The following PLXND1 variants were observed in gnomAD, a reference collection of about 807,000 sequenced individuals.
PLXND1 encodes plexin D1, also known as plexin-D1.
PLXND1 carries 54 observed loss-of-function variants against 197.7 expected under a neutral mutation model. The ratio of observed to expected loss-of-function variants is 0.27; its 90% confidence interval spans 0.22 to 0.34. PLXND1 has a LOEUF of 0.34. PLXND1 is among the 10% of genes least tolerant of loss of function. The probability of loss-of-function intolerance (pLI) is 1.00; values close to 1 mark genes in which losing one functional copy is unlikely to be tolerated. For missense variants in PLXND1, 2,127 were observed against 2,699.2 expected, an observed-to-expected ratio of 0.79 and a Z score of 4.70; for synonymous variants, 1,180 against 1,161.2, an observed-to-expected ratio of 1.02 and a Z score of -0.33.
At chr3:129,560,765 A>C in intron 29 of PLXND1, 42 bp from the exon 30 acceptor site, 1 of 1,188,032 alleles carries the variant, frequency 8.4e-7, no homozygotes, top group Non-Finnish European at 1.3e-6. Context: ...GGGAGAGGAG[A>C]GGAGAGAAAC....
chr3:129,601,969 G>A (rs1433028766), intron 1 of PLXND1, among the ~76,000 whole-genome samples: 1 of 152,208 alleles, frequency 6.6e-6, no homozygotes, highest in African/African-American at 2.4e-5. Context: ...ACTGAGTGAA[G>A]GAATCTATTC....
chr3:129,563,174 T>C lies in PLXND1; in HGVS notation c.4588A>G (p.Ile1530Val), dbSNP rs2085087747. ...AIKQQINKGS[I>V]DAITGKARYT... ...CGGGCCTTGCCTGTGATGGCGTCGA[T>C]GGAGCCCTTGTTGATTTGCTGCTTG... The change falls in exon 26 of 36, where the codon ATC becomes GTC. Residue 1530 changes from isoleucine to valine, a missense_variant. Physicochemically the swap from Ile to Val is conservative, Grantham distance 29. This residue lies in a region of PLXND1 where 532 missense variants were observed against 811.0 expected (regional missense o/e 0.66). Coordinates refer to ENST00000324093, the MANE Select transcript of PLXND1 (RefSeq NM_015103.3). 1 of 1,612,554 alleles carries C rather than the reference T, an allele frequency of 6.2e-7. No individual in the cohort carries two copies. Among genetic ancestry groups the C allele is most frequent in the South Asian group, 1.1e-5 (1 of 90,776 alleles).
rs1420841498 is a variant in PLXND1, at chr3:129,575,488, G to C, written c.2511C>G (p.Asp837Glu). 6.4e-7 allele frequency: 1 copy of C among 1,553,432 alleles called. No individual in the cohort carries two copies. Among genetic ancestry groups the C allele is most frequent in the East Asian group, 2.4e-5 (1 of 41,182 alleles). ...QLKGRPARFLDSPEPMTVMVY... is the reference protein window; with the variant it reads ...QLKGRPARFLESPEPMTVMVY... Reference sequence around the variant, plus strand: ...GCCCACCTGTCATGGGCTCAGGGCTGTCCAGGAATCGGGCTGGCCGCCCCT... The same window carrying C: ...GCCCACCTGTCATGGGCTCAGGGCTCTCCAGGAATCGGGCTGGCCGCCCCT... Residue 837 changes from aspartate (D) to glutamate (E), a missense_variant, in exon 11 of 36, where the codon GAC becomes GAG. Asp to Glu is a conservative substitution (Grantham distance 45). Transcript: ENST00000324093.
intron 1 of PLXND1, among the ~76,000 whole-genome samples, chr3:129,595,194 C>A (rs1353913237): frequency 6.6e-6 from 1 of 152,218 alleles, no homozygotes; most frequent in Non-Finnish European, 1.5e-5. Context: ...GGGTATGAAG[C>A]CACACCTGTG....
In PLXND1 at chr3:129,558,649, A is replaced by G. The variant is rs1344977588; in HGVS notation, c.5298-74T>C. ...CAGTCGAGGGACAGTTGTGGAGGAG[A>G]GAGCTGGCTTTGTCCCTCAAGGGCC... On this transcript the variant is annotated intron_variant, in intron 32 of 35. Transcript: ENST00000324093. The surrounding 1 kb of genome is among the most constrained non-coding windows in gnomAD (Gnocchi z 4.1). The G allele has an allele frequency of 6.9e-7, 1 of 1,459,370 alleles. No individual in the cohort carries two copies. Among genetic ancestry groups the G allele is most frequent in the East Asian group, 2.3e-5 (1 of 43,754 alleles). The allele number at this position is 1,459,370 out of a possible 1,614,324, so 90.4% of individuals were successfully genotyped here. A position where few individuals can be genotyped will look rare whatever the true frequency, so the allele number is the denominator to read the frequency against.
intron 24 of PLXND1, 146 bp downstream of exon 24, chr3:129,565,741 A>C: frequency 1.1e-6 from 1 of 947,252 alleles, no homozygotes; most frequent in South Asian, 1.6e-5. Context: ...GTGCCCCGTG[A>C]GCCAAGGTCT....
At position 129,561,700 on chromosome 3, in the gene PLXND1, C is replaced by A. The variant is rs749816078; in HGVS notation, c.4939G>T (p.Gly1647Cys). Residue 1647 changes from glycine (G) to cysteine (C), a missense_variant, in exon 29 of 36, where the codon GGT becomes TGT. Gly to Cys is a radical substitution (Grantham distance 159, BLOSUM62 -3). Around this residue, in one of 6 missense-constraint regions of PLXND1, gnomAD observed 532 missense variants for 811.0 expected, o/e 0.66. Transcript: ENST00000324093. ...ATGAGACTCATGGCCAGGGAGGCAC[C>A]TTCAGGGATCTGATGGGAGGGGAGA... is the stretch of plus-strand genomic sequence containing the variant. ...NTLAHYKIPEGASLAMSLIDK... is the reference protein window; with the variant it reads ...NTLAHYKIPECASLAMSLIDK... The A allele has an allele frequency of 1.9e-6, 3 of 1,588,084 alleles. No individual in the cohort carries two copies. Among genetic ancestry groups the A allele is most frequent in the African/African-American group, 2.8e-5 (2 of 72,720 alleles).
chr3:129,572,181 C>T (rs1264568767), intron 15 of PLXND1, among the ~76,000 whole-genome samples: 1 of 152,162 alleles, frequency 6.6e-6, no homozygotes, highest in Non-Finnish European at 1.5e-5. Flanking sequence ...TCTGCCCTTC[C>T]CTTGAGGTCT....
chr3:129,573,432 T>C (rs1180368980), intron 13 of PLXND1, among the ~76,000 whole-genome samples, 162 bp downstream of exon 13: 1 of 150,486 alleles, frequency 6.6e-6, no homozygotes, highest in Non-Finnish European at 1.5e-5. Context: ...AACGGCAGGA[T>C]GTGTGGTGGG....
intron 2 of PLXND1, 27 bp downstream of exon 2, chr3:129,589,324 C>A (rs1319770416): frequency 2.7e-6 from 3 of 1,112,618 alleles, no homozygotes; most frequent in African/African-American, 1.6e-5. Context: ...ACCCCCACCC[C>A]CTCCCCACAT....
Position 129,555,986 on chromosome 3 carries a change from G to A in PLXND1, c.*326C>T. On this transcript the variant is annotated 3_prime_UTR_variant, in exon 36 of 36. Transcript: ENST00000324093. ...GTGCTTGGCCGCCTGGATGCACGGG[G>A]CTCTTGGCAGCAGGACCAACTGGAC... The A allele has an allele frequency of 3.1e-6, 1 of 319,430 alleles. No homozygotes were observed. The highest frequency in any genetic ancestry group is 5.8e-6 in the Non-Finnish European group (1 of 172,506). The allele number at this position is 319,430 out of a possible 1,614,324, so 19.8% of individuals were successfully genotyped here. A position where few individuals can be genotyped will look rare whatever the true frequency, so the allele number is the denominator to read the frequency against.
chr3:129,589,685 A>AC (rs2108795357), intron 1 of PLXND1, among the ~76,000 whole-genome samples, 158 bp from the exon 2 acceptor site: 1 of 152,162 alleles, frequency 6.6e-6, no homozygotes, highest in African/African-American at 2.4e-5. Flanking sequence ...CACAAACGGG[A>AC]CCCCATCCCC....
At chr3:129,578,164 CA>C (rs1223464188) in intron 9 of PLXND1, among the ~76,000 whole-genome samples, 164 bp downstream of exon 9, 1 of 152,222 alleles carries the variant, frequency 6.6e-6, no homozygotes, top group Admixed American at 6.5e-5. Flanking sequence ...CTTCCTCATG[CA>C]GAAGGTGGAA....
chr3:129,588,762 G>A (rs967179481), intron 2 of PLXND1, among the ~76,000 whole-genome samples: 10 of 152,270 alleles, frequency 6.6e-5, no homozygotes, highest in South Asian at 2.1e-4. Context: ...CCCAGGCTCC[G>A]CCATGTCTGT....
In PLXND1 at chr3:129,557,384, C is replaced by T. The variant is rs1334123843; in HGVS notation, c.5446-161G>A. On this transcript the variant is annotated intron_variant, in intron 33 of 35. Transcript: ENST00000324093. This position sits in a 1 kb window ranked among gnomAD's most constrained non-coding sequence, Gnocchi z 4.8. ...GTCACTGAACGTCCCCGCACTCAGCCGGCCCCAGACCAGGGGCTCCTCACT... is the reference window on the plus strand; with the variant it reads ...GTCACTGAACGTCCCCGCACTCAGCTGGCCCCAGACCAGGGGCTCCTCACT... Among the ~76,000 whole-genome samples, 6 of 152,202 alleles carry T rather than the reference C, an allele frequency of 3.9e-5. No individual in the cohort carries two copies. Among genetic ancestry groups the T allele is most frequent in the African/African-American group, 9.6e-5 (4 of 41,452 alleles).
chr3:129,559,968 G>A (rs2085033578), intron 31 of PLXND1, among the ~76,000 whole-genome samples, 185 bp from the exon 32 acceptor site: 1 of 152,214 alleles, frequency 6.6e-6, no homozygotes, highest in Non-Finnish European at 1.5e-5. Context: ...GACTAATCGA[G>A]GCACTGGCAC....
At chr3:129,601,276 C>A (rs913528083) in intron 1 of PLXND1, among the ~76,000 whole-genome samples, 1 of 152,172 alleles carries the variant, frequency 6.6e-6, no homozygotes, top group African/African-American at 2.4e-5. Context: ...CTGCGGGGAC[C>A]GAGGTTCTCT....
Position 129,556,799 on chromosome 3 carries a change from C to A in PLXND1, c.5587-108G>T, listed in dbSNP as rs2084980999. 16 of 826,798 alleles carry A rather than the reference C, an allele frequency of 1.9e-5. No homozygotes were observed. In the South Asian group the frequency reaches 2.4e-4, roughly 13 times the overall value. The allele number at this position is 826,798 out of a possible 1,614,324, so 51.2% of individuals were successfully genotyped here. On this transcript the variant is annotated intron_variant, in intron 34 of 35. Coordinates refer to ENST00000324093, the MANE Select transcript of PLXND1 (RefSeq NM_015103.3). The stretch of plus-strand genomic sequence containing the variant: ...AATCCCCAACTCCCCACGGCCCCCA[C>A]AGAACAGTTCAGCGATGAGGCCCCT...
At chr3:129,568,097 A>C (rs1484975864) in intron 20 of PLXND1, among the ~76,000 whole-genome samples, 5 of 152,186 alleles carry the variant, frequency 3.3e-5, no homozygotes, top group Admixed American at 6.5e-5. Context: ...CCGTTAAAAA[A>C]AAAAAGAAAC....
Sources: gnomAD v4.1 joint callset for allele counts (sites outside exome capture counted in the v4.1 genomes callset) on GRCh38, gnomAD v4.1.1 for gene constraint, gnomAD v4.1.1 regional missense constraint, Gnocchi (gnomAD v3.1) non-coding constraint, MANE v1.5 for transcripts, NCBI Gene and HGNC (gene_info 2026-07-23, HGNC 2026-07-21) for gene names.